Variants in NCKAP1L observed in about 807,000 individuals in gnomAD.
NCKAP1L encodes nck-associated protein 1-like.
In NCKAP1L, 53 loss-of-function variants were observed where a neutral mutation model predicts 139.2. The ratio of observed to expected loss-of-function variants is 0.38; its 90% CI spans 0.31 to 0.48. The LOEUF is 0.48. Ranked by LOEUF, NCKAP1L falls within the 20% of genes least tolerant of loss-of-function variation. The pLI is 0.98. For missense variants in NCKAP1L, 1,151 were observed against 1,381.9 expected (o/e 0.83, Z 2.65); for synonymous variants, 468 against 499.7 (o/e 0.94, Z 0.85).
chr12:54,529,524 G>T (rs983634852), intron 22 of NCKAP1L, among the ~76,000 whole-genome samples: 1 of 152,078 alleles, frequency 6.6e-6, no homozygotes, highest in Non-Finnish European at 1.5e-5. Context: ...TTCTTCTTTG[G>T]GGGGTGCTAA....
intron 15 of NCKAP1L, 61 bp from the exon 16 acceptor site, chr12:54,519,126 A>G: frequency 6.4e-7 from 1 of 1,563,018 alleles, no homozygotes; most frequent in Non-Finnish European, 8.6e-7. Flanking sequence ...TGTAATTCCA[A>G]GGCTGGGGGC....
At chr12:54,513,872 T>C (rs1349821069) in intron 9 of NCKAP1L, among the ~76,000 whole-genome samples, 1 of 152,210 alleles carries the variant, frequency 6.6e-6, no homozygotes, top group African/African-American at 2.4e-5. Flanking sequence ...CAATTTTTTT[T>C]CTGGTTGCAA....
chr12:54,506,717 A>C (rs1160528915), intron 3 of NCKAP1L, among the ~76,000 whole-genome samples: 3 of 145,318 alleles, frequency 2.1e-5, no homozygotes, highest in African/African-American at 7.6e-5. Flanking sequence ...ACAGGTGTGA[A>C]CCGCCATGCT....
chr12:54,499,618 G>A (rs1442560337), intron 2 of NCKAP1L, among the ~76,000 whole-genome samples, 153 bp downstream of exon 2: 1 of 152,108 alleles, frequency 6.6e-6, no homozygotes. Flanking sequence ...AGGGCTTCAG[G>A]TTGTTGTAGA....
In NCKAP1L at chr12:54,546,220, G is replaced by A. The variant is rs146330858; in HGVS notation, c.*3535G>A. On this transcript the variant is annotated 3_prime_UTR_variant, in exon 31 of 31. Transcript: ENST00000293373. The stretch of plus-strand genomic sequence containing the variant: ...AAAAAAATACGAAAATTAGCTGGGC[G>A]TAGTAGTTCCTGCCTGTAGTCCTAG... 335 of 152,346 alleles carry A rather than the reference G, an allele frequency of 2.2e-3. 1 individual carries two copies. The highest frequency in any genetic ancestry group is 7.4e-3 in the Admixed American group (113 of 15,280). The allele number at this position is 152,346 out of a possible 1,614,324, so 9.4% of individuals were successfully genotyped here.
Position 54,535,112 on chromosome 12 carries a change from G to C in NCKAP1L, c.2871G>C (p.Leu957Phe). ...TATTTTCTTCTCTCCAGGTGACCTT[G>C]AGTATCTTTGAGCTGGCATCTGCTG... The part of the protein sequence containing the change: ...VTPDTDIKVT[L>F]SIFELASAAG... Residue 957 changes from leucine (L) to phenylalanine (F), a missense_variant, in exon 27 of 31, where the codon TTG (leucine) becomes TTC (phenylalanine). Coordinates refer to ENST00000293373, the MANE Select transcript of NCKAP1L (RefSeq NM_005337.5). 6.2e-7 allele frequency: 1 copy of C among 1,613,366 alleles called. No homozygotes were observed. Among genetic ancestry groups the C allele is most frequent in the Non-Finnish European group, 8.5e-7 (1 of 1,179,592 alleles).
intron 28 of NCKAP1L, 126 bp downstream of exon 28, chr12:54,536,371 A>T (rs942016915): frequency 1.4e-6 from 1 of 724,606 alleles, no homozygotes; most frequent in South Asian, 1.6e-5. Context: ...TTCAAAAAGC[A>T]CTTGAAGGCT....
chr12:54,517,093 T>C (rs1956939197), intron 11 of NCKAP1L, 101 bp downstream of exon 11: 1 of 936,192 alleles, frequency 1.1e-6, no homozygotes, highest in Admixed American at 2.0e-5. Context: ...TCTTTTGTCA[T>C]TCATTTGTAT....
rs1277641421 is a variant in NCKAP1L at position 54,547,508 on chromosome 12, G to GTGTT, written c.*4826_*4827insTTGT. The GTGTT allele has an allele frequency of 6.6e-6, 1 of 150,990 alleles. No individual in the cohort carries two copies. The highest frequency in any genetic ancestry group is 1.5e-5 in the Non-Finnish European group (1 of 67,790). The allele number at this position is 150,990 out of a possible 1,614,324, so 9.4% of individuals were successfully genotyped here. On this transcript the variant is annotated 3_prime_UTR_variant, in exon 31 of 31. Coordinates refer to ENST00000293373, the MANE Select transcript of NCKAP1L (RefSeq NM_005337.5). ...AATAACTTTGTGTGTGTGTGCGTGT[G>GTGTT]TGTGTGTGTGTGTGTGTGTGTGTGT...
At position 54,516,913 on chromosome 12, in the gene NCKAP1L, A is replaced by G; in HGVS notation, c.1016A>G (p.Gln339Arg). Residue 339 changes from glutamine to arginine, a missense_variant, in exon 11 of 31, where the codon CAA becomes CGA. Transcript: ENST00000293373. ...TTCCTTAGTGGCCAGTTTCATTGTC[A>G]ACGGCGGCAATTTCTGCGGATGGCA... is the stretch of plus-strand genomic sequence containing the variant. ...VIANSGQFHCQRRQFLRMAVK... is the reference protein window; with the variant it reads ...VIANSGQFHCRRRQFLRMAVK... The G allele has an allele frequency of 2.5e-6, 4 of 1,612,478 alleles. No individual in the cohort carries two copies. The highest frequency in any genetic ancestry group is 3.4e-6 in the Non-Finnish European group (4 of 1,179,018).
At chr12:54,542,460 T>G in intron 30 of NCKAP1L, 115 bp from the exon 31 acceptor site, 1 of 767,648 alleles carries the variant, frequency 1.3e-6, no homozygotes, top group Non-Finnish European at 2.3e-6. Flanking sequence ...TTTGGAACCC[T>G]GTTCACTTGT....
In NCKAP1L at chr12:54,500,612, T is replaced by A; in HGVS notation, c.293T>A (p.Val98Asp). 1 of 1,611,188 alleles carries A rather than the reference T, an allele frequency of 6.2e-7. No individual in the cohort carries two copies. Among genetic ancestry groups the A allele is most frequent in the Non-Finnish European group, 8.5e-7 (1 of 1,177,342 alleles). ...AACTACTACCAGTCATTTGTGGATG[T>A]CATGGAATTTCGGGTGAGCTCTCTT... ...LTNYYQSFVD[V>D]MEFRDHVYEL... Residue 98 changes from valine to aspartate, a missense_variant, in exon 3 of 31, where the codon GTC becomes GAC. Physicochemically the swap from Val to Asp is radical, Grantham distance 152. Coordinates refer to ENST00000293373, the MANE Select transcript of NCKAP1L (RefSeq NM_005337.5).
intron 1 of NCKAP1L, 68 bp downstream of exon 1, chr12:54,497,959 C>T: frequency 1.0e-6 from 1 of 961,776 alleles, no homozygotes; most frequent in Non-Finnish European, 1.7e-6. Context: ...CCTGAGGCGG[C>T]AGGTGCAGCA....
chr12:54,525,224 G>T (rs1354387414), intron 20 of NCKAP1L, among the ~76,000 whole-genome samples: 1 of 152,224 alleles, frequency 6.6e-6, no homozygotes, highest in Non-Finnish European at 1.5e-5. Context: ...AAGCTGCAAT[G>T]ATTAGACTTG....
chr12:54,538,962 C>T lies in NCKAP1L; in HGVS notation c.3262C>T (p.Leu1088Phe). 1 of 1,613,914 alleles carries T rather than the reference C, an allele frequency of 6.2e-7. No individual in the cohort carries two copies. Among genetic ancestry groups the T allele is most frequent in the South Asian group, 1.1e-5 (1 of 91,082 alleles). The change falls in exon 30 of 31, where the codon CTC becomes TTC. Residue 1088 changes from leucine to phenylalanine, a missense_variant. By Grantham distance (22) the Leu-to-Phe change is conservative. Transcript: ENST00000293373. ...KTRNRESISL[L>F]MRLVVEESSF... ...CAGAAATCGAGAATCCATTTCTCTG[C>T]TCATGCGCTTGGTAAGTACCTTATT...
In NCKAP1L at chr12:54,531,799, G is replaced by A; in HGVS notation, c.2755G>A (p.Ala919Thr). The change falls in exon 25 of 31, where the codon GCC (alanine) becomes ACC (threonine). Residue 919 changes from alanine (A) to threonine (T), a missense_variant. Coordinates refer to ENST00000293373, the MANE Select transcript of NCKAP1L (RefSeq NM_005337.5). ...CATTGGGGTTATCCTCAGTTTCAGG[G>A]CCATGGCCCAAGAGGGACTTCGGGA... ...TIIGVILSFR[A>T]MAQEGLREVF... 1 of 1,612,650 alleles carries A rather than the reference G, an allele frequency of 6.2e-7. No homozygotes were observed. Among genetic ancestry groups the A allele is most frequent in the Non-Finnish European group, 8.5e-7 (1 of 1,178,728 alleles).
Position 54,547,128 on chromosome 12 carries a change from A to G in NCKAP1L, c.*4443A>G, listed in dbSNP as rs1957203829. Reference sequence around the variant, plus strand: ...ATGAGGACAAGAGGAAAAGACAGGGAGAGAATAGTTGTCTTTTGAGCCTCA... The same window carrying G: ...ATGAGGACAAGAGGAAAAGACAGGGGGAGAATAGTTGTCTTTTGAGCCTCA... On this transcript the variant is annotated 3_prime_UTR_variant, in exon 31 of 31. Transcript: ENST00000293373. 6.6e-6 allele frequency: 1 copy of G among 152,234 alleles called. No individual in the cohort carries two copies. The highest frequency in any genetic ancestry group is 2.1e-4 in the South Asian group (1 of 4,834). 9.4% of individuals were successfully genotyped at this position (152,234 alleles called of 1,614,324 possible).
In NCKAP1L at chr12:54,512,055, T is replaced by C. The variant is rs538649063; in HGVS notation, c.891T>C (p.Asp297=). The C allele has an allele frequency of 2.4e-5, 38 of 1,614,218 alleles. 1 individual carries two copies. In the South Asian group the frequency reaches 2.9e-4, roughly 12 times the overall value. Residue 297 remains aspartate, a synonymous_variant, in exon 9 of 31, where the codon GAT becomes GAC. Coordinates refer to ENST00000293373, the MANE Select transcript of NCKAP1L (RefSeq NM_005337.5). ...GSLYITLIRE[D]VLQVHKVTED... ...TCTACATCACCCTTATCCGTGAGGATGTGCTGCAGGTGCACAAAGTCACCG... is the reference window on the plus strand; with the variant it reads ...TCTACATCACCCTTATCCGTGAGGACGTGCTGCAGGTGCACAAAGTCACCG...
chr12:54,535,051 C>T (rs1420189766), intron 26 of NCKAP1L, 53 bp from the exon 27 acceptor site: 2 of 1,454,206 alleles, frequency 1.4e-6, no homozygotes, highest in South Asian at 1.3e-5. Context: ...TTCCTTCTGT[C>T]AAGCCATTGT....
Sources: gnomAD v4.1 joint callset for allele counts (sites outside exome capture counted in the v4.1 genomes callset) on GRCh38, gnomAD v4.1.1 for gene constraint, MANE v1.5 for transcripts, NCBI Gene and HGNC (gene_info 2026-07-23, HGNC 2026-07-21) for gene names.